Variants in ANKRD18A observed in about 807,000 individuals in gnomAD.
ANKRD18A encodes the protein ankyrin repeat domain-containing protein 18A.
Under a neutral mutation model 110.6 loss-of-function variants are expected in ANKRD18A, and 72 were observed. The ratio of observed to expected loss-of-function variants is 0.65; its 90% CI spans 0.54 to 0.79. ANKRD18A has a LOEUF of 0.79. Among genes scored for constraint, ANKRD18A ranks in the 30% least tolerant of loss-of-function variants. ANKRD18A has a pLI of 0.00. For synonymous variants in ANKRD18A, 305 were observed against 410.3 expected (o/e 0.74, Z 3.10); for missense variants, 934 against 1,163.3 (o/e 0.80, Z 2.87).
rs1160229340 is a variant in ANKRD18A, at chr9:38,613,300, C to T, written c.496-1979G>A. Among the ~76,000 whole-genome samples the T allele has an allele frequency of 3.9e-5, 6 of 152,006 alleles. No homozygotes were observed. The South Asian group carries it at 1.0e-3, about 26-fold the overall frequency. On this transcript the variant is annotated intron_variant, in intron 3 of 15. Transcript: ENST00000399703. ...TGAGGTCCAGACTTCTGCATGAGTC[C>T]ACTAAAGTTTACATGTTGACTCAAT...
intron 13 of ANKRD18A, 34 bp downstream of exon 13, chr9:38,577,833 T>C: frequency 1.3e-6 from 2 of 1,554,760 alleles, no homozygotes; most frequent in Non-Finnish European, 1.7e-6. Flanking sequence ...TGAAAGCCCA[T>C]TACAGATAAA....
At chr9:38,592,099 T>A (rs1045190538) in intron 10 of ANKRD18A, among the ~76,000 whole-genome samples, 1 of 152,252 alleles carries the variant, frequency 6.6e-6, no homozygotes, top group Admixed American at 6.5e-5. Context: ...GAGAAAAACA[T>A]GAGCATTTGA....
intron 15 of ANKRD18A, among the ~76,000 whole-genome samples, chr9:38,573,977 A>G (rs56802779): frequency 0.036 from 5,486 of 152,060 alleles, 320 homozygotes; most frequent in African/African-American, 0.13. Flanking sequence ...GAGGAATGCT[A>G]AGGTTTGGAG....
At position 38,596,372 on chromosome 9, in the gene ANKRD18A, G is replaced by C; in HGVS notation, c.968C>G (p.Ala323Gly). 3.4e-6 allele frequency: 5 copies of C among 1,457,446 alleles called. No homozygotes were observed. The highest frequency in any genetic ancestry group is 4.5e-6 in the Non-Finnish European group (5 of 1,104,632). The allele number at this position is 1,457,446 out of a possible 1,614,324, so 90.3% of individuals were successfully genotyped here. ...DSQSYGKKKD[A>G]MYGNFMLKKD... is the part of the protein sequence containing the mutation. ...CTTCAACATAAAATTTCCATACATCGCATCCTTCTTTTTTCCGTAACTTTG... is the reference window on the plus strand; with the variant it reads ...CTTCAACATAAAATTTCCATACATCCCATCCTTCTTTTTTCCGTAACTTTG... Residue 323 changes from alanine (A) to glycine (G), a missense_variant, in exon 9 of 16, where the codon GCG becomes GGG. Transcript: ENST00000399703.
In ANKRD18A at chr9:38,571,602, T is replaced by A. The variant is rs1352031911; in HGVS notation, c.*443A>T. 37 of 1,009,928 alleles carry A rather than the reference T, an allele frequency of 3.7e-5. No individual in the cohort carries two copies. Among genetic ancestry groups the A allele is most frequent in the Admixed American group, 5.7e-5 (1 of 17,558 alleles). 62.6% of individuals were successfully genotyped at this position (1,009,928 alleles called of 1,614,324 possible). ...CACTAGTATGGACAAACCTGGCAGA[T>A]ACTCTTTAAGTCTCCTACTACATAT... On this transcript the variant is annotated 3_prime_UTR_variant, in exon 16 of 16. Coordinates refer to ENST00000399703, the MANE Select transcript of ANKRD18A (RefSeq NM_147195.4).
chr9:38,574,913 G>A lies in ANKRD18A; in HGVS notation c.2964+563C>T, dbSNP rs1239238676. On this transcript the variant is annotated intron_variant, in intron 15 of 15. Coordinates refer to ENST00000399703, the MANE Select transcript of ANKRD18A (RefSeq NM_147195.4). ...GTTCGAGACCTGCCTGGCCAATATG[G>A]TGAAATCCCATCTCTACTAAAAATA... Among the ~76,000 whole-genome samples the A allele has an allele frequency of 3.3e-5, 5 of 152,036 alleles. No individual in the cohort carries two copies. In the East Asian group the frequency reaches 9.8e-4, roughly 30 times the overall value.
rs1251805902 is a variant in ANKRD18A, at chr9:38,577,905, C to G, written c.2491G>C (p.Val831Leu). The change falls in exon 13 of 16, where the codon GTG (valine) becomes CTG (leucine). Residue 831 changes from valine to leucine, a missense_variant. Transcript: ENST00000399703. ...EYKSELDERA[V>L]QEIEKLEEIH... ...TCTTCTAATTTTTCTATTTCCTGCA[C>G]TGCCCTTTCATCCAGCTCCGATTTA... 2 of 1,597,708 alleles carry G rather than the reference C, an allele frequency of 1.3e-6. No homozygotes were observed. Among genetic ancestry groups the G allele is most frequent in the Non-Finnish European group, 1.7e-6 (2 of 1,172,844 alleles).
At chr9:38,573,846 T>C (rs1305912217) in intron 15 of ANKRD18A, among the ~76,000 whole-genome samples, 1 of 152,220 alleles carries the variant, frequency 6.6e-6, no homozygotes, top group Non-Finnish European at 1.5e-5. Context: ...ATAAATTTTT[T>C]CTTAAAAAGA....
chr9:38,590,045 T>C (rs1824570760), intron 10 of ANKRD18A, among the ~76,000 whole-genome samples: 1 of 152,176 alleles, frequency 6.6e-6, no homozygotes. Flanking sequence ...TTTATGTTGA[T>C]TCTTATGGAT....
Position 38,615,703 on chromosome 9 carries a change from A to G in ANKRD18A, c.386T>C (p.Ile129Thr), listed in dbSNP as rs1825821896. ...VLLECGANPN[I>T]EDIYGNTALH... Reference sequence around the variant, plus strand: ...AGCAGTGTTGCCGTAGATATCCTCAATGTTTGGATTGGCGCCACATTCCAG... The same window carrying G: ...AGCAGTGTTGCCGTAGATATCCTCAGTGTTTGGATTGGCGCCACATTCCAG... Residue 129 changes from isoleucine (I) to threonine (T), a missense_variant, in exon 3 of 16, where the codon ATT (isoleucine) becomes ACT (threonine). Physicochemically the swap from Ile to Thr is moderately conservative, Grantham distance 89 (BLOSUM62 -1). Coordinates refer to ENST00000399703, the MANE Select transcript of ANKRD18A (RefSeq NM_147195.4). 6.2e-7 allele frequency: 1 copy of G among 1,612,742 alleles called. No homozygotes were observed. The highest frequency in any genetic ancestry group is 8.5e-7 in the Non-Finnish European group (1 of 1,179,854).
chr9:38,595,431 A>T, intron 9 of ANKRD18A, 55 bp downstream of exon 9: 1 of 1,373,570 alleles, frequency 7.3e-7, no homozygotes, highest in Non-Finnish European at 9.6e-7. Flanking sequence ...ACATATAGCC[A>T]GAATGAAATA....
Position 38,577,743 on chromosome 9 carries a change from T to C in ANKRD18A, c.2529+124A>G, listed in dbSNP as rs1823962979. 4.4e-6 allele frequency: 5 copies of C among 1,127,768 alleles called. No homozygotes were observed. The African/African-American group carries it at 8.3e-5, about 19-fold the overall frequency. 69.9% of individuals were successfully genotyped at this position (1,127,768 alleles called of 1,614,324 possible). ...AAAAAAGTCACTTTTTTTCTAGAAC[T>C]CTACGAAGGAAATTGCTGTAAGAGA... is the stretch of plus-strand genomic sequence containing the variant. On this transcript the variant is annotated intron_variant, in intron 13 of 15. Coordinates refer to ENST00000399703, the MANE Select transcript of ANKRD18A (RefSeq NM_147195.4).
At chr9:38,594,696 C>T (rs180809544) in intron 9 of ANKRD18A, among the ~76,000 whole-genome samples, 28 of 152,168 alleles carry the variant, frequency 1.8e-4, no homozygotes, top group Admixed American at 6.6e-5. Context: ...CAAAGTTACA[C>T]CAACTAAAAT....
chr9:38,590,875 C>A (rs1442127140), intron 10 of ANKRD18A, among the ~76,000 whole-genome samples: 10 of 152,114 alleles, frequency 6.6e-5, no homozygotes, highest in Non-Finnish European at 1.5e-4. Flanking sequence ...AAAGCTGCCC[C>A]TTATTATATG....
At chr9:38,568,890 G>A, downstream of ANKRD18A, 1 of 985,438 alleles carries the variant, frequency 1.0e-6, no homozygotes, top group Non-Finnish European at 1.2e-6. Flanking sequence ...CCAGCAGGGG[G>A]CCTCTGTCCC....
chr9:38,583,433 G>A (rs1824246679), intron 12 of ANKRD18A, among the ~76,000 whole-genome samples: 1 of 152,060 alleles, frequency 6.6e-6, no homozygotes, highest in Admixed American at 6.5e-5. Flanking sequence ...GCCCAGGCTG[G>A]AGTGCAGTGG....
chr9:38,595,315 T>C (rs545829125), intron 9 of ANKRD18A, among the ~76,000 whole-genome samples, 171 bp downstream of exon 9: 1 of 152,246 alleles, frequency 6.6e-6, no homozygotes, highest in South Asian at 2.1e-4. Context: ...ACATTAATCA[T>C]CTTTCTGTCC....
chr9:38,578,048 T>C lies in ANKRD18A; in HGVS notation c.2348A>G (p.Asn783Ser). The change falls in exon 13 of 16, where the codon AAT (asparagine) becomes AGT (serine). Residue 783 changes from asparagine (N) to serine (S), a missense_variant. Transcript: ENST00000399703. ...AAGTTTTTCACATTTCTCTTGTACA[T>C]TTCTCATAGATAATAACTCCTGATG... ...VLHQELLSMR[N>S]VQEKCEKLEK... 5 of 1,551,614 alleles carry C rather than the reference T, an allele frequency of 3.2e-6. No homozygotes were observed. The highest frequency in any genetic ancestry group is 4.4e-6 in the Non-Finnish European group (5 of 1,146,736).
intron 15 of ANKRD18A, chr9:38,572,627 C>G (rs2118614639): frequency 6.5e-6 from 1 of 153,510 alleles, no homozygotes; most frequent in South Asian, 2.1e-4. Flanking sequence ...GGTGCTAGAG[C>G]AAAGGGCAGA....
Sources: gnomAD v4.1 joint callset for allele counts (sites outside exome capture counted in the v4.1 genomes callset) on GRCh38, gnomAD v4.1.1 for gene constraint, MANE v1.5 for transcripts, NCBI Gene and HGNC (gene_info 2026-07-23, HGNC 2026-07-21) for gene names.